Variants in MAPK7 observed in about 807,000 individuals in gnomAD.
MAPK7 encodes the protein BMK-1.
In MAPK7, 30 loss-of-function variants were observed where a neutral mutation model predicts 56.9. That is an observed-to-expected ratio of 0.53 (90% confidence interval 0.39 to 0.72). The LOEUF (loss-of-function observed/expected upper bound fraction) is 0.72, where lower values mean the gene tolerates loss of function less well. Ranked by LOEUF, MAPK7 falls within the 30% of genes least tolerant of loss-of-function variation. MAPK7 has a pLI of 0.00. For missense variants in MAPK7, 952 were observed against 1,110.8 expected, an observed-to-expected ratio of 0.86 and a Z score of 2.03; for synonymous variants, 516 against 449.3, an observed-to-expected ratio of 1.15 and a Z score of -1.88.
Position 19,380,820 on chromosome 17 carries a change from C to T in MAPK7, c.611C>T (p.Ala204Val). ...CELKIGDFGM[A>V]RGLCTSPAEH... is the part of the protein sequence containing the mutation. ...CTCAAGATTGGTGACTTTGGTATGGCTCGTGGCCTGTGCACCTCGCCCGCT... is the reference window on the plus strand; with the variant it reads ...CTCAAGATTGGTGACTTTGGTATGGTTCGTGGCCTGTGCACCTCGCCCGCT... Residue 204 changes from alanine (A) to valine (V), a missense_variant, in exon 4 of 7, where the codon GCT becomes GTT. Physicochemically the swap from Ala to Val is moderately conservative, Grantham distance 64. Coordinates refer to ENST00000395604, the MANE Select transcript of MAPK7 (RefSeq NM_002749.4). 1 of 1,613,504 alleles carries T rather than the reference C, an allele frequency of 6.2e-7. No homozygotes were observed. The highest frequency in any genetic ancestry group is 8.5e-7 in the Non-Finnish European group (1 of 1,179,606).
Position 19,381,966 on chromosome 17 carries a change from C to T in MAPK7, c.1663C>T (p.Pro555Ser). ...GGCCTCTGGGGGCCCCTCCACTGACCCCTTGGCTGGACTAGTGCTCAGTGA... is the reference window on the plus strand; with the variant it reads ...GGCCTCTGGGGGCCCCTCCACTGACTCCTTGGCTGGACTAGTGCTCAGTGA... ...AGASGGPSTD[P>S]LAGLVLSDND... Residue 555 changes from proline (P) to serine (S), a missense_variant, in exon 5 of 7, where the codon CCC (proline) becomes TCC (serine). By Grantham distance (74) the Pro-to-Ser change is moderately conservative. Around this residue, in one of 5 missense-constraint regions of MAPK7, gnomAD observed 429 missense variants for 533.0 expected, o/e 0.80. Transcript: ENST00000395604. The surrounding 1 kb of genome is among the most constrained non-coding windows in gnomAD (Gnocchi z 4.6). 6.4e-7 allele frequency: 1 copy of T among 1,551,862 alleles called. No individual in the cohort carries two copies. The highest frequency in any genetic ancestry group is 8.7e-7 in the Non-Finnish European group (1 of 1,147,186).
chr17:19,377,997 G>T, upstream of MAPK7: 5 of 985,364 alleles, frequency 5.1e-6, no homozygotes, highest in Non-Finnish European at 6.0e-6. Flanking sequence ...TGGCCGTGAC[G>T]GGCACCCTCT....
rs893038582 is a variant in MAPK7, at chr17:19,379,464, G to A, written c.233-318G>A. The stretch of plus-strand genomic sequence containing the variant: ...AAGGAACTGGTGGTGGGATGGGTGA[G>A]GTCTGAGATGGAGAGGGTGTAGGCA... On this transcript the variant is annotated intron_variant, in intron 2 of 6. Transcript: ENST00000395604. The A allele has an allele frequency of 3.8e-5, 21 of 555,530 alleles. No homozygotes were observed. In the South Asian group the frequency reaches 4.3e-4, roughly 11 times the overall value. 34.4% of individuals were successfully genotyped at this position (555,530 alleles called of 1,614,324 possible).
chr17:19,378,240 G>A, upstream of MAPK7: 1 of 985,894 alleles, frequency 1.0e-6, no homozygotes, highest in Non-Finnish European at 1.2e-6. This position sits in a 1 kb window ranked among gnomAD's most constrained non-coding sequence, Gnocchi z 5.4. Context: ...CATTCACTTG[G>A]CGCCCGACTG....
chr17:19,378,187 G>C (rs1339587796), upstream of MAPK7: 1 of 983,870 alleles, frequency 1.0e-6, no homozygotes, highest in African/African-American at 1.7e-5. This position sits in a 1 kb window ranked among gnomAD's most constrained non-coding sequence, Gnocchi z 5.4. Flanking sequence ...GAGGTTGAGA[G>C]CTTCATGGGG....
At chr17:19,378,186 A>T, upstream of MAPK7, 2 of 983,812 alleles carry the variant, frequency 2.0e-6, no homozygotes, top group Non-Finnish European at 2.4e-6. The surrounding 1 kb of genome is among the most constrained non-coding windows in gnomAD (Gnocchi z 5.4). Context: ...TGAGGTTGAG[A>T]GCTTCATGGG....
upstream of MAPK7, chr17:19,378,000 C>A (rs1369339095): frequency 2.0e-6 from 2 of 985,248 alleles, no homozygotes; most frequent in South Asian, 4.7e-5. Flanking sequence ...CCGTGACGGG[C>A]ACCCTCTACC....
Position 19,381,066 on chromosome 17 carries a change from T to G in MAPK7, c.857T>G (p.Ile286Ser). 2.5e-6 allele frequency: 4 copies of G among 1,614,136 alleles called. No homozygotes were observed. Among genetic ancestry groups the G allele is most frequent in the Non-Finnish European group, 3.4e-6 (4 of 1,180,032 alleles). The change falls in exon 4 of 7, where the codon ATT (isoleucine) becomes AGT (serine). Residue 286 changes from isoleucine to serine, a missense_variant. Coordinates refer to ENST00000395604, the MANE Select transcript of MAPK7 (RefSeq NM_002749.4). This position sits in a 1 kb window ranked among gnomAD's most constrained non-coding sequence, Gnocchi z 4.6. ...CTGGGTACCCCATCACCAGCCGTGA[T>G]TCAGGCTGTGGGGGCTGAGAGGGTG... ...MVLGTPSPAV[I>S]QAVGAERVRA... is the part of the protein sequence containing the mutation.
chr17:19,382,611 A>G (rs901804373), intron 5 of MAPK7, 145 bp downstream of exon 5: 1 of 1,476,072 alleles, frequency 6.8e-7, no homozygotes, highest in Non-Finnish European at 9.0e-7. Flanking sequence ...AAGGAGCATA[A>G]TGGCAATGAA....
chr17:19,379,113 C>T lies in MAPK7; in HGVS notation c.213C>T (p.Ser71=), dbSNP rs746713787. The part of the protein sequence containing the change: ...IGNGAYGVVS[S]ARRRLTGQQV... ...ACGGGGCCTATGGAGTGGTGTCCTC[C>T]GCCCGCCGCCGCCTCACCGGTGAGC... The change falls in exon 2 of 7, where the codon TCC becomes TCT. Residue 71 remains serine, a synonymous_variant. Coordinates refer to ENST00000395604, the MANE Select transcript of MAPK7 (RefSeq NM_002749.4). The T allele has an allele frequency of 4.3e-6, 7 of 1,611,452 alleles. No homozygotes were observed. The highest frequency in any genetic ancestry group is 5.9e-6 in the Non-Finnish European group (7 of 1,179,594).
intron 3 of MAPK7, chr17:19,380,382 ATGGGGAAAC>A: frequency 8.0e-7 from 1 of 1,248,070 alleles, no homozygotes; most frequent in Non-Finnish European, 1.0e-6. Context: ...CTTTTATCTG[ATGGGGAAAC>A]TAGGTCTGGA....
Position 19,378,808 on chromosome 17 carries a change from G to A in MAPK7, c.-5-88G>A. 7 of 1,324,268 alleles carry A rather than the reference G, an allele frequency of 5.3e-6. No individual in the cohort carries two copies. The highest frequency in any genetic ancestry group is 7.1e-6 in the Non-Finnish European group (7 of 979,366). The allele number at this position is 1,324,268 out of a possible 1,614,324, so 82.0% of individuals were successfully genotyped here. A position where few individuals can be genotyped will look rare whatever the true frequency, so the allele number is the denominator to read the frequency against. On this transcript the variant is annotated intron_variant, in intron 1 of 6. Transcript: ENST00000395604. This position sits in a 1 kb window ranked among gnomAD's most constrained non-coding sequence, Gnocchi z 5.4. ...TGCCCTTGTCGGTTTAGGAAACTGG[G>A]AAGTTCCCTGGTCCTGCTCCCCAGC...
chr17:19,380,166 G>A (rs1193577764), intron 3 of MAPK7: 5 of 591,292 alleles, frequency 8.5e-6, no homozygotes, highest in African/African-American at 7.4e-5. Flanking sequence ...TTAGTATATA[G>A]GATGTCAAAT....
chr17:19,382,524 T>G, intron 5 of MAPK7, 58 bp downstream of exon 5: 1 of 1,520,972 alleles, frequency 6.6e-7, no homozygotes, highest in East Asian at 2.3e-5. Context: ...GAAAATGGGT[T>G]CAGGAAGCGG....
At chr17:19,380,040 A>C in intron 3 of MAPK7, 93 bp downstream of exon 3, 2 of 1,425,938 alleles carry the variant, frequency 1.4e-6, no homozygotes, top group Non-Finnish European at 1.9e-6. Flanking sequence ...GCTGAATCTA[A>C]TCTGAAGCAG....
chr17:19,383,307 CCT>C lies in MAPK7; in HGVS notation c.*77_*78del. On this transcript the variant is annotated 3_prime_UTR_variant, in exon 7 of 7. Transcript: ENST00000395604. ...TGGGAGCATTCTCAAAGGCTTTAGC[CCT>C]GGACCCAGCAGGTGAGGCTCGGCTT... is the stretch of plus-strand genomic sequence containing the variant. The C allele has an allele frequency of 6.6e-7, 1 of 1,513,552 alleles. No individual in the cohort carries two copies. The allele number at this position is 1,513,552 out of a possible 1,614,324, so 93.8% of individuals were successfully genotyped here.
At chr17:19,378,163 G>A (rs1193190417), upstream of MAPK7, 1 of 979,708 alleles carries the variant, frequency 1.0e-6, no homozygotes, top group Non-Finnish European at 1.2e-6. The surrounding 1 kb of genome is among the most constrained non-coding windows in gnomAD (Gnocchi z 5.4). Context: ...GGGACTAGCT[G>A]TGATTGGCCG....
At position 19,379,801 on chromosome 17, in the gene MAPK7, G is replaced by C; in HGVS notation, c.252G>C (p.Lys84Asn). The C allele has an allele frequency of 6.2e-7, 1 of 1,614,144 alleles. No individual in the cohort carries two copies. The highest frequency in any genetic ancestry group is 8.5e-7 in the Non-Finnish European group (1 of 1,180,022). ...CCTCAGGCCAGCAGGTGGCCATCAA[G>C]AAGATCCCTAATGCTTTCGATGTGG... is the stretch of plus-strand genomic sequence containing the variant. ...RRLTGQQVAI[K>N]KIPNAFDVVT... The change falls in exon 3 of 7, where the codon AAG (lysine) becomes AAC (asparagine). Residue 84 changes from lysine to asparagine, a missense_variant. By Grantham distance (94) the Lys-to-Asn change is moderately conservative. This residue lies in a region of MAPK7 where 213 missense variants were observed against 243.2 expected (regional missense o/e 0.88). Transcript: ENST00000395604.
At position 19,380,929 on chromosome 17, in the gene MAPK7, A is replaced by G. The variant is rs749256120; in HGVS notation, c.720A>G (p.Thr240=). The G allele has an allele frequency of 2.5e-5, 40 of 1,614,094 alleles. No individual in the cohort carries two copies. The highest frequency in any genetic ancestry group is 2.2e-4 in the Admixed American group (13 of 60,010). Residue 240 remains threonine, a synonymous_variant, in exon 4 of 7, where the codon ACA becomes ACG. Coordinates refer to ENST00000395604, the MANE Select transcript of MAPK7 (RefSeq NM_002749.4). Reference sequence around the variant, plus strand: ...TCATGCTCTCTTTGCATGAGTATACACAGGCTATTGACCTCTGGTCTGTGG... The same window carrying G: ...TCATGCTCTCTTTGCATGAGTATACGCAGGCTATTGACCTCTGGTCTGTGG... ...PELMLSLHEY[T]QAIDLWSVGC...
Sources: gnomAD v4.1 joint callset for allele counts on GRCh38, gnomAD v4.1.1 for gene constraint, gnomAD v4.1.1 regional missense constraint, Gnocchi (gnomAD v3.1) non-coding constraint, MANE v1.5 for transcripts, NCBI Gene and HGNC (gene_info 2026-07-23, HGNC 2026-07-21) for gene names.